CCDC178: variants seen among roughly 807,000 people sequenced by gnomAD.
The protein encoded by CCDC178 is coiled-coil domain containing 178.
In CCDC178, 126 loss-of-function variants were observed where a neutral mutation model predicts 117.4. The ratio of observed to expected loss-of-function variants is 1.07; its 90% CI spans 0.93 to 1.24. CCDC178 has a LOEUF of 1.24. CCDC178 is among the 50% of genes most tolerant of loss of function. The pLI is 0.00. For missense variants in CCDC178, 1,030 were observed against 986.9 expected, an observed-to-expected ratio of 1.04 and a Z score of -0.59; for synonymous variants, 283 against 313.4, an observed-to-expected ratio of 0.90 and a Z score of 1.02.
At chr18:33,230,993 G>A (rs958538088) in intron 15 of CCDC178, among the ~76,000 whole-genome samples, 1 of 152,104 alleles carries the variant, frequency 6.6e-6, no homozygotes, top group Non-Finnish European at 1.5e-5. Flanking sequence ...TTCTACTAAG[G>A]ATCACTGATA....
chr18:33,300,198 C>T (rs769276208), intron 11 of CCDC178, among the ~76,000 whole-genome samples: 11 of 152,192 alleles, frequency 7.2e-5, no homozygotes, highest in Admixed American at 4.6e-4. Flanking sequence ...CTTCACTTTC[C>T]TCCATGATTG....
At chr18:33,428,136 A>G (rs756632830) in intron 2 of CCDC178, among the ~76,000 whole-genome samples, 1 of 152,182 alleles carries the variant, frequency 6.6e-6, no homozygotes, top group Non-Finnish European at 1.5e-5. Flanking sequence ...TTTCAATTCT[A>G]TTTTTAAGAA....
intron 20 of CCDC178, among the ~76,000 whole-genome samples, chr18:33,093,512 T>C (rs1475710789): frequency 6.6e-6 from 1 of 152,122 alleles, no homozygotes; most frequent in African/African-American, 2.4e-5. Flanking sequence ...AATCTGCTAG[T>C]ATGAGCAGTT....
At chr18:33,358,005 C>T (rs1175278288) in intron 6 of CCDC178, among the ~76,000 whole-genome samples, 1 of 151,980 alleles carries the variant, frequency 6.6e-6, no homozygotes, top group Non-Finnish European at 1.5e-5. Context: ...TAGCCTACTA[C>T]ACACTTAGGC....
intron 21 of CCDC178, among the ~76,000 whole-genome samples, chr18:33,022,866 A>G (rs922350447): frequency 6.6e-6 from 1 of 152,086 alleles, no homozygotes; most frequent in African/African-American, 2.4e-5. Context: ...ATAATGATAT[A>G]TAGGGGGGCT....
chr18:33,079,191 C>A (rs895621312), intron 21 of CCDC178, among the ~76,000 whole-genome samples: 1 of 152,100 alleles, frequency 6.6e-6, no homozygotes, highest in Non-Finnish European at 1.5e-5. Flanking sequence ...ACCCCCTATT[C>A]AATAAATGGT....
At chr18:33,276,196 A>G (rs1360894248) in intron 12 of CCDC178, among the ~76,000 whole-genome samples, 1 of 152,108 alleles carries the variant, frequency 6.6e-6, no homozygotes, top group Non-Finnish European at 1.5e-5. Flanking sequence ...TGGCCTAGAA[A>G]TTCACAAAAT....
At chr18:33,212,174 G>A (rs2059116191) in intron 19 of CCDC178, 119 bp from the exon 20 acceptor site, 1 of 686,138 alleles carries the variant, frequency 1.5e-6, no homozygotes, top group East Asian at 3.2e-5. Context: ...GAACTGACAG[G>A]CCTTGGAAAA....
chr18:33,090,258 C>T (rs1438604466), intron 21 of CCDC178, among the ~76,000 whole-genome samples: 2 of 152,034 alleles, frequency 1.3e-5, no homozygotes, highest in Non-Finnish European at 2.9e-5. Flanking sequence ...AAAATGTATA[C>T]TTTGTATAGA....
At chr18:33,103,167 T>C (rs1227055215) in intron 20 of CCDC178, among the ~76,000 whole-genome samples, 1 of 151,782 alleles carries the variant, frequency 6.6e-6, no homozygotes, top group Non-Finnish European at 1.5e-5. Context: ...CTGAGAATCA[T>C]GGTGGGAGGC....
intron 3 of CCDC178, 27 bp downstream of exon 3, chr18:33,412,004 A>G (rs2063861333): frequency 2.5e-6 from 3 of 1,184,182 alleles, no homozygotes; most frequent in Admixed American, 2.0e-5. Context: ...ACTATTTTCA[A>G]AGAAAATCAA....
chr18:33,297,428 AG>A (rs1450878420), intron 11 of CCDC178, among the ~76,000 whole-genome samples: 1 of 152,176 alleles, frequency 6.6e-6, no homozygotes, highest in African/African-American at 2.4e-5. Context: ...ACAAATCATT[AG>A]GTAGATTAAC....
chr18:33,277,874 A>G (rs1347898054), intron 12 of CCDC178, among the ~76,000 whole-genome samples: 1 of 152,174 alleles, frequency 6.6e-6, no homozygotes, highest in Non-Finnish European at 1.5e-5. Flanking sequence ...ACACAATTAC[A>G]TCTACAAAAT....
At chr18:33,341,759 A>G (rs2062819975) in intron 9 of CCDC178, among the ~76,000 whole-genome samples, 1 of 152,168 alleles carries the variant, frequency 6.6e-6, no homozygotes, top group Non-Finnish European at 1.5e-5. Context: ...CTCCCTGGCC[A>G]TGTAGAACTG....
intron 11 of CCDC178, among the ~76,000 whole-genome samples, chr18:33,314,037 A>G (rs1414290099): frequency 6.8e-6 from 1 of 147,966 alleles, no homozygotes; most frequent in Non-Finnish European, 1.5e-5. Flanking sequence ...CGTCTCTACT[A>G]AAAATACAAA....
intron 5 of CCDC178, 78 bp from the exon 6 acceptor site, chr18:33,370,267 T>G: frequency 9.5e-7 from 1 of 1,053,588 alleles, no homozygotes; most frequent in Non-Finnish European, 1.3e-6. Flanking sequence ...AGCAAAAAAA[T>G]TCTGCTTTAT....
intron 9 of CCDC178, among the ~76,000 whole-genome samples, chr18:33,343,622 T>C (rs1219371512): frequency 6.6e-6 from 1 of 152,146 alleles, no homozygotes; most frequent in Non-Finnish European, 1.5e-5. Flanking sequence ...ACAAAATCTT[T>C]GATGCAGTCC....
chr18:33,313,963 G>T (rs941627440), intron 11 of CCDC178, among the ~76,000 whole-genome samples: 4 of 151,934 alleles, frequency 2.6e-5, no homozygotes, highest in Non-Finnish European at 4.4e-5. Context: ...CACTTTGGGA[G>T]GCCGAGGCGG....
chr18:33,424,637 C>T (rs1402840416), intron 2 of CCDC178, among the ~76,000 whole-genome samples: 1 of 152,180 alleles, frequency 6.6e-6, no homozygotes. Flanking sequence ...ATCTTGCATA[C>T]AGACACAGGG....
Sources: gnomAD v4.1 joint callset for allele counts (sites outside exome capture counted in the v4.1 genomes callset) on GRCh38, gnomAD v4.1.1 for gene constraint, MANE v1.5 for transcripts, NCBI Gene and HGNC (gene_info 2026-07-23, HGNC 2026-07-21) for gene names.